The following SEBOX variants were observed in gnomAD, a reference collection of about 807,000 sequenced individuals.
SEBOX encodes the protein homeobox protein SEBOX.
Under a neutral mutation model 7.8 loss-of-function variants are expected in SEBOX, and 10 were observed. The ratio of observed to expected loss-of-function variants is 1.28; its 90% CI spans 0.79 to 2.17. The LOEUF (loss-of-function observed/expected upper bound fraction) is 2.17, where lower values mean the gene tolerates loss of function less well. SEBOX is among the 30% of genes most tolerant of loss of function. The pLI is 0.00. For missense variants in SEBOX, 240 were observed against 239.5 expected (o/e 1.00, Z -0.01); for synonymous variants, 98 against 91.5 (o/e 1.07, Z -0.40).
In SEBOX at chr17:28,365,108, C is replaced by T. The variant is rs2067899712; in HGVS notation, c.31+13G>A. The T allele has an allele frequency of 6.2e-7, 1 of 1,604,908 alleles. No homozygotes were observed. The highest frequency in any genetic ancestry group is 8.5e-7 in the Non-Finnish European group (1 of 1,174,148). ...GCGTTCTCACCCTGCCCACACTTCC[C>T]CCATCAGATCACCTGCTGAGGATGC... On this transcript the variant is annotated intron_variant, in intron 1 of 2. Transcript: ENST00000536498.
chr17:28,364,682 C>G (rs1490739924), intron 2 of SEBOX, 34 bp from the exon 3 acceptor site: 1 of 1,566,910 alleles, frequency 6.4e-7, no homozygotes, highest in Non-Finnish European at 8.6e-7. Context: ...TGTTCTGGCC[C>G]CAGCATCCCC....
Position 28,364,393 on chromosome 17 carries a change from A to T in SEBOX, c.448T>A (p.Trp150Arg). Reference protein sequence around the residue: ...GWEGAKAVAPWGSAGASEVHP... With the variant: ...GWEGAKAVAPRGSAGASEVHP... Reference sequence around the variant, plus strand: ...ACCTCTGAAGCCCCAGCTGATCCCCATGGGGCTACAGCTTTAGCCCCTTCC... The same window carrying T: ...ACCTCTGAAGCCCCAGCTGATCCCCTTGGGGCTACAGCTTTAGCCCCTTCC... Residue 150 changes from tryptophan (W) to arginine (R), a missense_variant, in exon 3 of 3, where the codon TGG (tryptophan) becomes AGG (arginine). Physicochemically the swap from Trp to Arg is moderately radical, Grantham distance 101. Coordinates refer to ENST00000536498, the MANE Select transcript of SEBOX (RefSeq NM_001080837.4). 1 of 1,591,182 alleles carries T rather than the reference A, an allele frequency of 6.3e-7. No individual in the cohort carries two copies. The highest frequency in any genetic ancestry group is 1.1e-5 in the South Asian group (1 of 88,596).
chr17:28,364,037 G>A lies in SEBOX; in HGVS notation c.*231C>T, dbSNP rs1374350977. ...AACAATGAGCATATGCCCCAAAGGG[G>A]TCAGGGTGTGGGGTGGCAGGAGCCA... On this transcript the variant is annotated 3_prime_UTR_variant, in exon 3 of 3. Transcript: ENST00000536498. Among the ~76,000 whole-genome samples the A allele has an allele frequency of 6.6e-6, 1 of 152,210 alleles. No individual in the cohort carries two copies. The highest frequency in any genetic ancestry group is 2.1e-4 in the South Asian group (1 of 4,828).
rs1205801534 is a variant in SEBOX, at chr17:28,364,006, T to C, written c.*262A>G. On this transcript the variant is annotated 3_prime_UTR_variant, in exon 3 of 3. Transcript: ENST00000536498. ...ATCTCATCCTTCTGAAGGTACCACC[T>C]GCCACAACAATGAGCATATGCCCCA... 6.6e-6 allele frequency among the ~76,000 whole-genome samples: 1 copy of C among 152,208 alleles called. No homozygotes were observed. Among genetic ancestry groups the C allele is most frequent in the Non-Finnish European group, 1.5e-5 (1 of 68,032 alleles).
chr17:28,364,202 A>G lies in SEBOX; in HGVS notation c.*66T>C. 1 of 1,474,778 alleles carries G rather than the reference A, an allele frequency of 6.8e-7. No individual in the cohort carries two copies. Among genetic ancestry groups the G allele is most frequent in the East Asian group, 2.3e-5 (1 of 42,762 alleles). 91.4% of individuals were successfully genotyped at this position (1,474,778 alleles called of 1,614,324 possible). A position where few individuals can be genotyped will look rare whatever the true frequency, so the allele number is the denominator to read the frequency against. Reference sequence around the variant, plus strand: ...CAGGGAATCCACTTCTGATGTGTTCAATCCCAGGAGGGGCAGGGTGGGCCA... The same window carrying G: ...CAGGGAATCCACTTCTGATGTGTTCGATCCCAGGAGGGGCAGGGTGGGCCA... On this transcript the variant is annotated 3_prime_UTR_variant, in exon 3 of 3. Transcript: ENST00000536498.
Position 28,364,280 on chromosome 17 carries a change from C to A in SEBOX, c.561G>T (p.Val187=). 1 of 1,607,350 alleles carries A rather than the reference C, an allele frequency of 6.2e-7. No homozygotes were observed. The highest frequency in any genetic ancestry group is 2.2e-5 in the East Asian group (1 of 44,624). ...LIYALAIVVN[V]DHS The stretch of plus-strand genomic sequence containing the variant: ...TTCTGGACAAAGACTAGGAGTGGTC[C>A]ACATTGACGACAATGGCCAAGGCAT... Residue 187 remains valine (V), a synonymous_variant, in exon 3 of 3, where the codon GTG becomes GTT. Coordinates refer to ENST00000536498, the MANE Select transcript of SEBOX (RefSeq NM_001080837.4).
rs2067899659 is a variant in SEBOX at position 28,365,105 on chromosome 17, TC to T, written c.31+15del. On this transcript the variant is annotated intron_variant, in intron 1 of 2. Coordinates refer to ENST00000536498, the MANE Select transcript of SEBOX (RefSeq NM_001080837.4). ...CCTGCGTTCTCACCCTGCCCACACTTCCCCCATCAGATCACCTGCTGAGGAT... is the reference window on the plus strand; with the variant it reads ...CCTGCGTTCTCACCCTGCCCACACTTCCCCATCAGATCACCTGCTGAGGAT... The T allele has an allele frequency of 1.9e-6, 3 of 1,600,640 alleles. No homozygotes were observed. The East Asian group carries it at 6.7e-5, about 36-fold the overall frequency.
chr17:28,364,308 A>T lies in SEBOX; in HGVS notation c.533T>A (p.Ile178Asn). 1.9e-6 allele frequency: 3 copies of T among 1,606,220 alleles called. No individual in the cohort carries two copies. The highest frequency in any genetic ancestry group is 1.7e-6 in the Non-Finnish European group (2 of 1,176,390). Reference protein sequence around the residue: ...QTSLGSLSDLIYALAIVVNVD... With the variant: ...QTSLGSLSDLNYALAIVVNVD... ...ATTGACGACAATGGCCAAGGCATAG[A>T]TGAGGTCAGACAGGCTGCCTAGTGA... is the stretch of plus-strand genomic sequence containing the variant. The change falls in exon 3 of 3, where the codon ATC becomes AAC. Residue 178 changes from isoleucine to asparagine, a missense_variant. Coordinates refer to ENST00000536498, the MANE Select transcript of SEBOX (RefSeq NM_001080837.4).
At position 28,364,925 on chromosome 17, in the gene SEBOX, C is replaced by A; in HGVS notation, c.62G>T (p.Arg21Ile). ...CCCTTTGCTGAAGGTGGTCCGCTTT[C>A]TCCGGTGGGAACCCAACCCGCTGCC... Reference protein sequence around the residue: ...DGGSGLGSHRRKRTTFSKGQL... With the variant: ...DGGSGLGSHRIKRTTFSKGQL... Residue 21 changes from arginine (R) to isoleucine (I), a missense_variant, in exon 2 of 3, where the codon AGA (arginine) becomes ATA (isoleucine). By Grantham distance (97) the Arg-to-Ile change is moderately conservative. Coordinates refer to ENST00000536498, the MANE Select transcript of SEBOX (RefSeq NM_001080837.4). 6.2e-7 allele frequency: 1 copy of A among 1,613,116 alleles called. No homozygotes were observed. Among genetic ancestry groups the A allele is most frequent in the South Asian group, 1.1e-5 (1 of 90,904 alleles).
Position 28,364,459 on chromosome 17 carries a change from T to G in SEBOX, c.382A>C (p.Ser128Arg). 1 of 1,604,746 alleles carries G rather than the reference T, an allele frequency of 6.2e-7. No individual in the cohort carries two copies. Among genetic ancestry groups the G allele is most frequent in the African/African-American group, 1.3e-5 (1 of 74,828 alleles). Residue 128 changes from serine to arginine, a missense_variant, in exon 3 of 3, where the codon AGC becomes CGC. Ser to Arg is a moderately radical substitution (Grantham distance 110). Coordinates refer to ENST00000536498, the MANE Select transcript of SEBOX (RefSeq NM_001080837.4). ...CTCAAGCCAGGAGCTGGACAGGAGC[T>G]ATGTCGACACACTGAGGTGCGCTGA... is the stretch of plus-strand genomic sequence containing the variant. ...TPQRTSVCRH[S>R]SCPAPGLSPR... is the part of the protein sequence containing the mutation.
At chr17:28,364,996 G>C in intron 1 of SEBOX, 41 bp from the exon 2 acceptor site, 1 of 1,592,122 alleles carries the variant, frequency 6.3e-7, no homozygotes, top group South Asian at 1.1e-5. Flanking sequence ...CTCCCTGCAA[G>C]AGCCTCCACC....
rs782257845 is a variant in SEBOX at position 28,364,316 on chromosome 17, A to G, written c.525T>C (p.Ser175=). 3.7e-6 allele frequency: 6 copies of G among 1,605,708 alleles called. No individual in the cohort carries two copies. The South Asian group carries it at 6.7e-5, about 18-fold the overall frequency. The change falls in exon 3 of 3, where the codon TCT becomes TCC. Residue 175 remains serine, a synonymous_variant. Coordinates refer to ENST00000536498, the MANE Select transcript of SEBOX (RefSeq NM_001080837.4). Reference sequence around the variant, plus strand: ...CAATGGCCAAGGCATAGATGAGGTCAGACAGGCTGCCTAGTGAAGTCTGGG... The same window carrying G: ...CAATGGCCAAGGCATAGATGAGGTCGGACAGGCTGCCTAGTGAAGTCTGGG... ...ATPQTSLGSL[S]DLIYALAIVV...
Position 28,364,794 on chromosome 17 carries a change from C to T in SEBOX, c.192+1G>A, listed in dbSNP as rs782393989. 3 of 1,613,906 alleles carry T rather than the reference C, an allele frequency of 1.9e-6. No homozygotes were observed. Among genetic ancestry groups the T allele is most frequent in the Non-Finnish European group, 2.5e-6 (3 of 1,179,850 alleles). ...CTGTGTGAGAAGGGGTCACAGCTCA[C>T]CTGTACCTTGGCCTCAGGAAGGCAA... is the stretch of plus-strand genomic sequence containing the variant. On this transcript the variant is annotated splice_donor_variant, in intron 2 of 2. Transcript: ENST00000536498. LOFTEE classifies it high-confidence loss of function.
At chr17:28,364,706 A>G (rs2067894101) in intron 2 of SEBOX, 58 bp from the exon 3 acceptor site, 2 of 1,582,680 alleles carry the variant, frequency 1.3e-6, no homozygotes, top group South Asian at 2.3e-5. Context: ...ACCCAGGGAC[A>G]GGGGAAACAA....
chr17:28,364,942 C>T lies in SEBOX; in HGVS notation c.45G>A (p.Gly15=). 1 of 1,611,028 alleles carries T rather than the reference C, an allele frequency of 6.2e-7. No homozygotes were observed. Among genetic ancestry groups the T allele is most frequent in the Non-Finnish European group, 8.5e-7 (1 of 1,178,774 alleles). The change falls in exon 2 of 3, where the codon GGG becomes GGA. Residue 15 remains glycine (G), a synonymous_variant. Transcript: ENST00000536498. Reference sequence around the variant, plus strand: ...TCCGCTTTCTCCGGTGGGAACCCAACCCGCTGCCACCGTCTGCAGGCCATG... The same window carrying T: ...TCCGCTTTCTCCGGTGGGAACCCAATCCGCTGCCACCGTCTGCAGGCCATG... The part of the protein sequence containing the change: ...VDASSADGGS[G]LGSHRRKRTT...
rs1555582709 is a variant in SEBOX at position 28,364,583 on chromosome 17, C to T, written c.258G>A (p.Gly86=). The T allele has an allele frequency of 6.4e-7, 1 of 1,554,384 alleles. No individual in the cohort carries two copies. Among genetic ancestry groups the T allele is most frequent in the African/African-American group, 1.4e-5 (1 of 72,838 alleles). Residue 86 remains glycine (G), a synonymous_variant, in exon 3 of 3, where the codon GGG becomes GGA. Transcript: ENST00000536498. ...KNRKSGILSP[G]SECPQSSCSL... ...AACAGGAGCTCTGGGGGCACTCAGACCCAGGGCTTAGAATTCCTGACTTCC... is the reference window on the plus strand; with the variant it reads ...AACAGGAGCTCTGGGGGCACTCAGATCCAGGGCTTAGAATTCCTGACTTCC...
rs2067882454 is a variant in SEBOX at position 28,363,774 on chromosome 17, AG to A, written c.*493del. On this transcript the variant is annotated 3_prime_UTR_variant, in exon 3 of 3. Coordinates refer to ENST00000536498, the MANE Select transcript of SEBOX (RefSeq NM_001080837.4). ...TGTCCAGGTGGTCGATGGTCAAGAG[AG>A]GGGGCCCTGACCCATAAAGAAGTTG... 6.5e-6 allele frequency: 1 copy of A among 152,844 alleles called. No homozygotes were observed. The highest frequency in any genetic ancestry group is 2.4e-5 in the African/African-American group (1 of 41,440). 9.5% of individuals were successfully genotyped at this position (152,844 alleles called of 1,614,324 possible).
rs148939879 is a variant in SEBOX, at chr17:28,364,561, A to T, written c.280T>A (p.Cys94Ser). 1,983 of 1,580,868 alleles carry T rather than the reference A, an allele frequency of 1.3e-3. 23 individuals carry two copies. In the African/African-American group the frequency reaches 0.024, roughly 19 times the overall value. Residue 94 changes from cysteine to serine, a missense_variant, in exon 3 of 3, where the codon TGT becomes AGT. By Grantham distance (112) the Cys-to-Ser change is moderately radical (BLOSUM62 -1). Coordinates refer to ENST00000536498, the MANE Select transcript of SEBOX (RefSeq NM_001080837.4). ...SPGSECPQSSCSLPDTLQQPW... is the reference protein window; with the variant it reads ...SPGSECPQSSSSLPDTLQQPW... ...TGCTGGAGGGTGTCTGGAAGAGAAC[A>T]GGAGCTCTGGGGGCACTCAGACCCA... is the stretch of plus-strand genomic sequence containing the variant.
At position 28,364,951 on chromosome 17, in the gene SEBOX, A is replaced by G; in HGVS notation, c.36T>C (p.Gly12=). ...PSPVDASSAD[G]GSGLGSHRRK... is the part of the protein sequence containing the mutation. ...TCCGGTGGGAACCCAACCCGCTGCCACCGTCTGCAGGCCATGGTGGGGGTC... is the reference window on the plus strand; with the variant it reads ...TCCGGTGGGAACCCAACCCGCTGCCGCCGTCTGCAGGCCATGGTGGGGGTC... The change falls in exon 2 of 3, where the codon GGT becomes GGC. Residue 12 remains glycine (G), a synonymous_variant. Coordinates refer to ENST00000536498, the MANE Select transcript of SEBOX (RefSeq NM_001080837.4). 2 of 1,609,464 alleles carry G rather than the reference A, an allele frequency of 1.2e-6. No homozygotes were observed. Among genetic ancestry groups the G allele is most frequent in the East Asian group, 2.2e-5 (1 of 44,688 alleles).
Sources: allele counts gnomAD v4.1 joint callset (sites outside exome capture counted in the v4.1 genomes callset), GRCh38; gene constraint gnomAD v4.1.1; transcripts MANE v1.5; gene names NCBI Gene and HGNC (gene_info 2026-07-23, HGNC 2026-07-21).